Variants in SLC25A21 observed in about 807,000 individuals in gnomAD.
SLC25A21 encodes the protein mitochondrial 2-oxodicarboxylate carrier.
SLC25A21 carries 47 observed loss-of-function variants against 43.8 expected under a neutral mutation model. The observed-to-expected ratio is 1.07, with a 90% CI of 0.85 to 1.37. The LOEUF (loss-of-function observed/expected upper bound fraction) is 1.37, where lower values mean the gene tolerates loss of function less well. Among genes scored for constraint, SLC25A21 ranks in the 40% most tolerant of loss-of-function variants. The probability of loss-of-function intolerance (pLI) is 0.00; values close to 1 mark genes in which losing one functional copy is unlikely to be tolerated. For missense variants in SLC25A21, 352 were observed against 350.2 expected, an observed-to-expected ratio of 1.00 and a Z score of -0.04; for synonymous variants, 131 against 121.3, an observed-to-expected ratio of 1.08 and a Z score of -0.52.
In SLC25A21 at chr14:36,684,849, G is replaced by A; in HGVS notation, c.680C>T (p.Pro227Leu). The A allele has an allele frequency of 6.2e-7, 1 of 1,613,992 alleles. No homozygotes were observed. Among genetic ancestry groups the A allele is most frequent in the Non-Finnish European group, 8.5e-7 (1 of 1,179,972 alleles). Residue 227 changes from proline to leucine, a missense_variant, in exon 8 of 10, where the codon CCT (proline) becomes CTT (leucine). By Grantham distance (98) the Pro-to-Leu change is moderately conservative. Coordinates refer to ENST00000331299, the MANE Select transcript of SLC25A21 (RefSeq NM_030631.4). ...SGTIASVINI[P>L]FDVAKSRIQG... ...AATCCTACTTTTGGCAACATCAAAAGGGATGTTAATGACTGAGGCTATTGT... is the reference window on the plus strand; with the variant it reads ...AATCCTACTTTTGGCAACATCAAAAAGGATGTTAATGACTGAGGCTATTGT...
chr14:36,734,987 C>G (rs1884975708), intron 3 of SLC25A21, among the ~76,000 whole-genome samples: 1 of 152,154 alleles, frequency 6.6e-6, no homozygotes, highest in South Asian at 2.1e-4. Context: ...CTTTCTGAGG[C>G]TAAGGAGGTG....
intron 2 of SLC25A21, among the ~76,000 whole-genome samples, chr14:36,836,151 G>C (rs1330728557): frequency 6.6e-6 from 1 of 152,202 alleles, no homozygotes; most frequent in African/African-American, 2.4e-5. Context: ...TAATTCGGAA[G>C]TGTTAAGTAT....
intron 1 of SLC25A21, among the ~76,000 whole-genome samples, chr14:36,893,938 T>C (rs1174494803): frequency 3.3e-5 from 5 of 152,222 alleles, no homozygotes; most frequent in Non-Finnish European, 5.9e-5. Flanking sequence ...TTTTGGTTAC[T>C]GTAGCCTTGT....
intron 2 of SLC25A21, among the ~76,000 whole-genome samples, chr14:36,825,902 G>A (rs576790014): frequency 6.0e-4 from 91 of 152,260 alleles, no homozygotes; most frequent in South Asian, 3.7e-3. Flanking sequence ...CTCATGCAAC[G>A]AATCCTCCTG....
chr14:37,106,721 T>A (rs1043595940), intron 1 of SLC25A21, among the ~76,000 whole-genome samples: 14 of 146,754 alleles, frequency 9.5e-5, no homozygotes, highest in Non-Finnish European at 2.1e-4. Flanking sequence ...TTGTACCTAC[T>A]CCCTGTTCTT....
chr14:36,865,031 CTT>C (rs987569466), intron 2 of SLC25A21, among the ~76,000 whole-genome samples: 1 of 145,364 alleles, frequency 6.9e-6, no homozygotes. Context: ...TTCTTTCTTT[CTT>C]TTTTTTTTTT....
chr14:37,147,844 C>CTTTTTTTTTTTTTTTTTTTTTTTTT (rs61239254), intron 1 of SLC25A21, among the ~76,000 whole-genome samples: 15 of 126,244 alleles, frequency 1.2e-4, no homozygotes, highest in Non-Finnish European at 2.1e-4. Flanking sequence ...TTTTTCTTTT[C>CTTTTTTTTTTTTTTTTTTTTTTTTT]TTTTTTTTTT....
chr14:37,023,107 G>T (rs1436868551), intron 1 of SLC25A21, among the ~76,000 whole-genome samples: 1 of 151,934 alleles, frequency 6.6e-6, no homozygotes, highest in South Asian at 2.1e-4. Context: ...CTCCAGGACA[G>T]TTTGGCTCCA....
intron 6 of SLC25A21, among the ~76,000 whole-genome samples, chr14:36,714,456 G>A (rs1884034702): frequency 6.6e-6 from 1 of 152,182 alleles, no homozygotes. Context: ...CCTCTCTGGA[G>A]CAGTAAATCC....
At chr14:36,764,111 GGAAA>G (rs1265146362) in intron 3 of SLC25A21, among the ~76,000 whole-genome samples, 10 of 47,730 alleles carry the variant, frequency 2.1e-4, no homozygotes, top group Middle Eastern at 0.013. Context: ...AAGGAAGGAA[GGAAA>G]GAAGGAAAGA....
chr14:37,085,146 T>C (rs1424827629), intron 1 of SLC25A21, among the ~76,000 whole-genome samples: 1 of 152,184 alleles, frequency 6.6e-6, no homozygotes, highest in Non-Finnish European at 1.5e-5. Context: ...GAAATGCCAC[T>C]GTTGCTCCTT....
intron 1 of SLC25A21, among the ~76,000 whole-genome samples, chr14:36,887,834 G>A (rs1154115): frequency 0.97 from 147,550 of 152,216 alleles, 71,691 homozygotes; most frequent in East Asian, 1. Flanking sequence ...CAACTTCTAT[G>A]GAATTAGTTT....
intron 1 of SLC25A21, among the ~76,000 whole-genome samples, chr14:36,882,647 G>A (rs113121053): frequency 4.6e-5 from 7 of 152,090 alleles, no homozygotes; most frequent in African/African-American, 1.4e-4. Context: ...TCACTCTCTT[G>A]GTGATCTCAT....
intron 1 of SLC25A21, among the ~76,000 whole-genome samples, chr14:37,105,550 G>A (rs1962895286): frequency 6.6e-6 from 1 of 152,078 alleles, no homozygotes; most frequent in Non-Finnish European, 1.5e-5. Flanking sequence ...CTTAGAATAT[G>A]CTTTTTAATT....
intron 1 of SLC25A21, among the ~76,000 whole-genome samples, chr14:37,144,786 T>A (rs9888580): frequency 0.018 from 148 of 8,236 alleles, 1 homozygote; most frequent in Admixed American, 0.022. Flanking sequence ...TGTTTTGGGT[T>A]TTTTTTTTTG....
At chr14:36,887,562 CA>C (rs11425888) in intron 1 of SLC25A21, among the ~76,000 whole-genome samples, 75 of 141,836 alleles carry the variant, frequency 5.3e-4, no homozygotes, top group Non-Finnish European at 6.8e-4. Context: ...GACTCCATTG[CA>C]AAAAAAAAAA....
chr14:37,001,353 C>A (rs1382451707), intron 1 of SLC25A21, among the ~76,000 whole-genome samples: 1 of 152,048 alleles, frequency 6.6e-6, no homozygotes, highest in African/African-American at 2.4e-5. Flanking sequence ...ATTATCAATT[C>A]ACTTTATCAG....
intron 1 of SLC25A21, among the ~76,000 whole-genome samples, chr14:37,120,205 T>G (rs1237171593): frequency 6.6e-6 from 1 of 152,130 alleles, no homozygotes; most frequent in African/African-American, 2.4e-5. Context: ...CTTTAAAAAC[T>G]GCCAATCTTT....
intron 1 of SLC25A21, among the ~76,000 whole-genome samples, chr14:36,955,324 T>C (rs1959306473): frequency 1.3e-5 from 2 of 152,238 alleles, no homozygotes; most frequent in African/African-American, 4.8e-5. Context: ...TGCTAAGTAC[T>C]TGGAAGATTT....
Sources: gnomAD v4.1 joint callset for allele counts (sites outside exome capture counted in the v4.1 genomes callset) on GRCh38, gnomAD v4.1.1 for gene constraint, MANE v1.5 for transcripts, NCBI Gene and HGNC (gene_info 2026-07-23, HGNC 2026-07-21) for gene names.